Variants in LRP1B observed in about 807,000 individuals in gnomAD.
LRP1B encodes LDL receptor related protein 1B.
Under a neutral mutation model 556.6 loss-of-function variants are expected in LRP1B, and 217 were observed. The observed-to-expected ratio is 0.39, with a 90% CI of 0.35 to 0.44. The LOEUF (loss-of-function observed/expected upper bound fraction) is 0.44. Ranked by LOEUF, LRP1B falls within the 20% of genes least tolerant of loss-of-function variation. The pLI is 1.00. For synonymous variants in LRP1B, 2,047 were observed against 1,865.8 expected (o/e 1.10, Z -2.50); for missense variants, 5,053 against 5,620.8 (o/e 0.90, Z 3.23).
At chr2:140,787,334 G>A (rs1689940644) in intron 32 of LRP1B, among the ~76,000 whole-genome samples, 1 of 151,942 alleles carries the variant, frequency 6.6e-6, no homozygotes, top group African/African-American at 2.4e-5. Flanking sequence ...TCCCTCCACT[G>A]CTATTCCCTC....
chr2:141,579,724 C>CTTTTTTTTTTTTT (rs33913417), intron 2 of LRP1B, among the ~76,000 whole-genome samples: 1,181 of 100,848 alleles, frequency 0.012, 197 homozygotes, highest in African/African-American at 0.037. Flanking sequence ...TCAGGTTTCA[C>CTTTTTTTTTTTTT]TTTTTTTTTT....
intron 17 of LRP1B, among the ~76,000 whole-genome samples, chr2:140,984,002 G>T (rs1204730311): frequency 6.6e-6 from 1 of 151,650 alleles, no homozygotes; most frequent in African/African-American, 2.4e-5. Flanking sequence ...ATACGAAAAT[G>T]AATAAAGTTC....
At chr2:141,668,927 T>C (rs763967282) in intron 2 of LRP1B, among the ~76,000 whole-genome samples, 6 of 152,116 alleles carry the variant, frequency 3.9e-5, no homozygotes, top group Non-Finnish European at 8.8e-5. Flanking sequence ...CATAAGGGGT[T>C]TGAGCATGCA....
At chr2:141,839,604 G>A (rs1697397541) in intron 1 of LRP1B, among the ~76,000 whole-genome samples, 1 of 152,162 alleles carries the variant, frequency 6.6e-6, no homozygotes. Context: ...AGGCTTAAGC[G>A]GTGGTTCCTT....
At chr2:141,786,695 A>G (rs1370855000) in intron 2 of LRP1B, among the ~76,000 whole-genome samples, 2 of 151,864 alleles carry the variant, frequency 1.3e-5, no homozygotes, top group Admixed American at 1.3e-4. Flanking sequence ...GAGTAGGGAG[A>G]GCAGACATCC....
chr2:140,494,120 G>T (rs1300294579), intron 56 of LRP1B, among the ~76,000 whole-genome samples: 1 of 152,016 alleles, frequency 6.6e-6, no homozygotes, highest in Non-Finnish European at 1.5e-5. Flanking sequence ...AAGCATAAAT[G>T]CTTTAAGAAC....
intron 2 of LRP1B, among the ~76,000 whole-genome samples, chr2:141,622,518 G>C (rs1199682593): frequency 6.6e-6 from 1 of 152,128 alleles, no homozygotes; most frequent in Admixed American, 6.5e-5. Flanking sequence ...TATCTACTTA[G>C]AAACTGCCCT....
intron 2 of LRP1B, among the ~76,000 whole-genome samples, chr2:141,741,307 G>T (rs865785742): frequency 8.0e-6 from 1 of 124,872 alleles, no homozygotes; most frequent in South Asian, 2.5e-4. Flanking sequence ...ATATATCTAG[G>T]AGTAGGATTA....
chr2:141,201,461 A>T (rs143661434), intron 6 of LRP1B, among the ~76,000 whole-genome samples: 2 of 152,236 alleles, frequency 1.3e-5, no homozygotes, highest in African/African-American at 4.8e-5. Context: ...CTAGGAAAGA[A>T]TTTACTGACA....
chr2:141,848,183 G>A (rs934221133), intron 1 of LRP1B, among the ~76,000 whole-genome samples: 1 of 151,430 alleles, frequency 6.6e-6, no homozygotes, highest in Admixed American at 6.6e-5. Context: ...TAGGTAAAAA[G>A]GAACCCAAGA....
In LRP1B at chr2:140,701,828, G is replaced by C. The variant is rs768020620; in HGVS notation, c.6320C>G (p.Ser2107Cys). The C allele has an allele frequency of 6.2e-7, 1 of 1,613,074 alleles. No homozygotes were observed. Among genetic ancestry groups the C allele is most frequent in the South Asian group, 1.1e-5 (1 of 91,054 alleles). The change falls in exon 40 of 91, where the codon TCT (serine) becomes TGT (cysteine). Residue 2107 changes from serine (S) to cysteine (C), a missense_variant. By Grantham distance (112) the Ser-to-Cys change is moderately radical. Around this residue, in one of 5 missense-constraint regions of LRP1B, gnomAD observed 3,619 missense variants for 3,931.9 expected, o/e 0.92. Coordinates refer to ENST00000389484, the MANE Select transcript of LRP1B (RefSeq NM_018557.3). ...YWSDRAHANG[S>C]VRRGHKNDAT... The stretch of plus-strand genomic sequence containing the variant: ...ATCATTCTTGTGGCCCCTTCTGACA[G>C]ACCCGTTTGCATGTGCTCTGCCAAA...
chr2:142,104,323 C>CA (rs1160247519), intron 1 of LRP1B, among the ~76,000 whole-genome samples: 1 of 152,098 alleles, frequency 6.6e-6, no homozygotes, highest in African/African-American at 2.4e-5. Context: ...AAAGGAAGCT[C>CA]TCACAATACT....
At chr2:141,208,594 C>T (rs1052164912) in intron 6 of LRP1B, among the ~76,000 whole-genome samples, 3 of 151,210 alleles carry the variant, frequency 2.0e-5, no homozygotes, top group African/African-American at 4.9e-5. Context: ...TGGCTGGGCG[C>T]GGGGGGCTCA....
At chr2:140,440,743 A>ATG (rs375585057) in intron 66 of LRP1B, among the ~76,000 whole-genome samples, 29 of 150,600 alleles carry the variant, frequency 1.9e-4, no homozygotes, top group East Asian at 5.8e-4. Flanking sequence ...CTCTGTATGT[A>ATG]TGTGTGTGTG....
rs756187513 is a variant in LRP1B at position 140,536,690 on chromosome 2, G to A, written c.7533C>T (p.Asn2511=). Residue 2511 remains asparagine (N), a synonymous_variant, in exon 46 of 91, where the codon AAC becomes AAT. Transcript: ENST00000389484. The part of the protein sequence containing the change: ...NRCVTKNSSC[N]AYSEFECGNG... ...TTCCACATTCAAACTCCGAATAAGC[G>A]TTGCAGGAGGAATTTTTAGCTGCAA... is the stretch of plus-strand genomic sequence containing the variant. The A allele has an allele frequency of 1.8e-5, 29 of 1,590,816 alleles. No homozygotes were observed. Among genetic ancestry groups the A allele is most frequent in the African/African-American group, 4.1e-5 (3 of 72,828 alleles).
Position 140,830,127 on chromosome 2 carries a change from C to CA in LRP1B, c.5209+9863dup, listed in dbSNP as rs201614199. 3.1e-3 allele frequency among the ~76,000 whole-genome samples: 465 copies of CA among 151,400 alleles called. 14 individuals carry two copies. In the East Asian group the frequency reaches 0.055, roughly 18 times the overall value. ...TAAATGAGAATAAAAAATACTCCAT[C>CA]AAAAAAAACCCCAGGACCTACCTGA... On this transcript the variant is annotated intron_variant, in intron 31 of 90. Transcript: ENST00000389484.
chr2:141,073,637 A>C (rs1489463857), intron 7 of LRP1B, among the ~76,000 whole-genome samples: 1 of 152,090 alleles, frequency 6.6e-6, no homozygotes, highest in African/African-American at 2.4e-5. Context: ...TCTTTTGGAT[A>C]TCTCATATAT....
At chr2:140,586,563 C>G (rs535736743) in intron 43 of LRP1B, 16 of 152,418 alleles carry the variant, frequency 1.0e-4, no homozygotes, top group Admixed American at 5.2e-4. Flanking sequence ...ACTGGAGGGT[C>G]AGGACTTCCA....
chr2:141,145,291 G>T (rs1465992423), intron 7 of LRP1B, among the ~76,000 whole-genome samples: 7 of 151,890 alleles, frequency 4.6e-5, no homozygotes, highest in Non-Finnish European at 7.4e-5. Context: ...TTAGTTCTAC[G>T]TGTGCTAATT....
Sources: gnomAD v4.1 joint callset for allele counts (sites outside exome capture counted in the v4.1 genomes callset) on GRCh38, gnomAD v4.1.1 for gene constraint, gnomAD v4.1.1 regional missense constraint, MANE v1.5 for transcripts, NCBI Gene and HGNC (gene_info 2026-07-23, HGNC 2026-07-21) for gene names.